The following MSI2 variants were observed in gnomAD, a reference collection of about 807,000 sequenced individuals.
MSI2 encodes the protein RNA-binding protein Musashi homolog 2.
A neutral mutation model predicts 45.6 loss-of-function variants in MSI2; 17 were observed. The ratio of observed to expected loss-of-function variants is 0.37; its 90% CI spans 0.26 to 0.56. The LOEUF (loss-of-function observed/expected upper bound fraction) is 0.56. Among genes scored for constraint, MSI2 ranks in the 20% least tolerant of loss-of-function variants. The pLI, the probability that MSI2 is intolerant of heterozygous loss-of-function variation, is 0.77. For synonymous variants in MSI2, 156 were observed against 158.2 expected, an observed-to-expected ratio of 0.99 and a Z score of 0.11; for missense variants, 293 against 444.2, an observed-to-expected ratio of 0.66 and a Z score of 3.06.
intron 5 of MSI2, among the ~76,000 whole-genome samples, chr17:57,284,054 T>G (rs866394478): frequency 3.9e-5 from 6 of 152,238 alleles, no homozygotes; most frequent in Admixed American, 1.3e-4. Flanking sequence ...GGAAGCCCAT[T>G]GCTCTGATTT....
intron 6 of MSI2, chr17:57,448,512 C>CA (rs916356956): frequency 3.3e-5 from 5 of 152,240 alleles, no homozygotes; most frequent in African/African-American, 1.2e-4. Flanking sequence ...CAGAGCAACA[C>CA]AGCAGTGGAA....
At chr17:57,319,085 G>A (rs1436436974) in intron 5 of MSI2, among the ~76,000 whole-genome samples, 1 of 152,230 alleles carries the variant, frequency 6.6e-6, no homozygotes, top group African/African-American at 2.4e-5. Flanking sequence ...TTCTGAGCTG[G>A]TGATGGGGAG....
chr17:57,347,235 G>A (rs960149210), intron 5 of MSI2, among the ~76,000 whole-genome samples: 1 of 152,160 alleles, frequency 6.6e-6, no homozygotes, highest in African/African-American at 2.4e-5. Flanking sequence ...AGATAATAAG[G>A]ATGCAGTGTG....
At chr17:57,296,588 A>G (rs1910978063) in intron 5 of MSI2, among the ~76,000 whole-genome samples, 2 of 152,258 alleles carry the variant, frequency 1.3e-5, no homozygotes, top group Admixed American at 1.3e-4. Context: ...ATAAATAATC[A>G]TAAAATGTTT....
intron 6 of MSI2, among the ~76,000 whole-genome samples, chr17:57,517,018 C>T (rs1280732788): frequency 6.6e-6 from 1 of 152,246 alleles, no homozygotes; most frequent in Non-Finnish European, 1.5e-5. Context: ...GTGACTGCAT[C>T]TCTCAGCCTG....
intron 6 of MSI2, among the ~76,000 whole-genome samples, chr17:57,483,192 G>T (rs2085682506): frequency 6.6e-6 from 1 of 152,156 alleles, no homozygotes; most frequent in African/African-American, 2.4e-5. Context: ...TTAGGGGATA[G>T]AAACCATGCT....
chr17:57,458,429 A>G (rs1370826660), intron 6 of MSI2, among the ~76,000 whole-genome samples: 2 of 152,202 alleles, frequency 1.3e-5, no homozygotes, highest in Non-Finnish European at 2.9e-5. Context: ...GTGTGTATAC[A>G]TATTTTAATC....
chr17:57,578,514 G>A (rs956806870), intron 7 of MSI2, among the ~76,000 whole-genome samples: 5 of 152,076 alleles, frequency 3.3e-5, no homozygotes, highest in Admixed American at 2.0e-4. Flanking sequence ...TATTCATTTC[G>A]CCAGGAAGCT....
chr17:57,382,118 G>A (rs1456587843), intron 5 of MSI2, among the ~76,000 whole-genome samples: 3 of 152,190 alleles, frequency 2.0e-5, no homozygotes, highest in African/African-American at 4.8e-5. Context: ...GAGGGGTGTT[G>A]GGGAGATGCT....
At position 57,607,134 on chromosome 17, in the gene MSI2, G is replaced by A. The variant is rs568523749; in HGVS notation, c.538-8836G>A. Among the ~76,000 whole-genome samples, 3 of 152,302 alleles carry A rather than the reference G, an allele frequency of 2.0e-5. No homozygotes were observed. The East Asian group carries it at 5.8e-4, about 29-fold the overall frequency. ...TTCTTTGAGGACTTCTGTGTGCCAG[G>A]CACTGTGCTTTATATCCATTATGTG... On this transcript the variant is annotated intron_variant, in intron 8 of 13. Transcript: ENST00000284073.
intron 6 of MSI2, among the ~76,000 whole-genome samples, chr17:57,476,435 A>G (rs1333129359): frequency 6.6e-6 from 1 of 152,168 alleles, no homozygotes; most frequent in Non-Finnish European, 1.5e-5. Flanking sequence ...CTGGGGTGCA[A>G]TCCCAAACAA....
the MSI2 span, among the ~76,000 whole-genome samples, chr17:57,690,795 AT>A: frequency 6.6e-6 from 1 of 152,170 alleles, no homozygotes; most frequent in African/African-American, 2.4e-5. Context: ...ATGAAATCCA[AT>A]TTATCAATCT....
At chr17:57,600,296 CA>C (rs1340028137) in intron 8 of MSI2, among the ~76,000 whole-genome samples, 1 of 152,200 alleles carries the variant, frequency 6.6e-6, no homozygotes, top group Non-Finnish European at 1.5e-5. Context: ...GGGTATTTGG[CA>C]GGAAGTGGCA....
intron 10 of MSI2, among the ~76,000 whole-genome samples, chr17:57,645,892 T>A (rs1910618186): frequency 6.6e-6 from 1 of 152,154 alleles, no homozygotes; most frequent in African/African-American, 2.4e-5. Flanking sequence ...GGCACTCCCA[T>A]TTGCCATAGC....
At chr17:57,512,964 CTTCCTTT>C (rs768139020) in intron 6 of MSI2, among the ~76,000 whole-genome samples, 767 of 44,268 alleles carry the variant, frequency 0.017, 26 homozygotes, top group African/African-American at 0.062. Context: ...GAATTAGCTT[CTTCCTTT>C]TTTTTTTTTT....
chr17:57,663,604 G>C lies in MSI2; in HGVS notation c.791-11368G>C, dbSNP rs62058154. On this transcript the variant is annotated intron_variant, in intron 11 of 13. Coordinates refer to ENST00000284073, the MANE Select transcript of MSI2 (RefSeq NM_138962.4). ...TCACTGACTCAGGTGGAAAGGTGGC[G>C]GCAGCGTCACCATCCTTCAGAGAAA... is the stretch of plus-strand genomic sequence containing the variant. Among the ~76,000 whole-genome samples the C allele has an allele frequency of 7.7e-3, 1,168 of 152,278 alleles. 10 individuals carry two copies. Among genetic ancestry groups the C allele is most frequent in the Non-Finnish European group, 0.012 (811 of 68,026 alleles).
intron 6 of MSI2, among the ~76,000 whole-genome samples, chr17:57,500,306 G>T (rs2086074449): frequency 2.0e-5 from 3 of 152,208 alleles, no homozygotes; most frequent in Non-Finnish European, 1.5e-5. Flanking sequence ...GCAGCACCAA[G>T]TAGCTTGTCC....
chr17:57,464,603 C>T lies in MSI2; in HGVS notation c.405+63132C>T, dbSNP rs149198867. Among the ~76,000 whole-genome samples the T allele has an allele frequency of 1.4e-4, 21 of 152,260 alleles. No homozygotes were observed. The East Asian group carries it at 3.1e-3, about 22-fold the overall frequency. On this transcript the variant is annotated intron_variant, in intron 6 of 13. Coordinates refer to ENST00000284073, the MANE Select transcript of MSI2 (RefSeq NM_138962.4). ...GCTGCAAGCAAGAAGACTGCTGCCTCGTTACGGGGTGTGGGTGTGGGCCAG... is the reference window on the plus strand; with the variant it reads ...GCTGCAAGCAAGAAGACTGCTGCCTTGTTACGGGGTGTGGGTGTGGGCCAG...
chr17:57,683,342 C>T lies in MSI2; in HGVS notation c.*3825C>T, dbSNP rs1386521562. 1 of 230,048 alleles carries T rather than the reference C, an allele frequency of 4.3e-6. No individual in the cohort carries two copies. Among genetic ancestry groups the T allele is most frequent in the East Asian group, 6.2e-5 (1 of 16,228 alleles). 14.3% of individuals were successfully genotyped at this position (230,048 alleles called of 1,614,324 possible). A position where few individuals can be genotyped will look rare whatever the true frequency, so the allele number is the denominator to read the frequency against. ...TTGGGGGTGGGTTTTGCTTGTTGTT[C>T]CTTTTCATTTGGGGGTTTTTGGGGA... is the stretch of plus-strand genomic sequence containing the variant. On this transcript the variant is annotated 3_prime_UTR_variant, in exon 14 of 14. Transcript: ENST00000284073. This position sits in a 1 kb window ranked among gnomAD's most constrained non-coding sequence, Gnocchi z 5.2.
Sources: allele counts gnomAD v4.1 joint callset (sites outside exome capture counted in the v4.1 genomes callset), GRCh38; gene constraint gnomAD v4.1.1; non-coding constraint Gnocchi (gnomAD v3.1); transcripts MANE v1.5; gene names NCBI Gene and HGNC (gene_info 2026-07-23, HGNC 2026-07-21).